The following KCNIP3 variants were observed in gnomAD, a reference collection of about 807,000 sequenced individuals.
KCNIP3 encodes potassium voltage-gated channel interacting protein 3, also known as calsenilin.
In KCNIP3, 28 loss-of-function variants were observed where a neutral mutation model predicts 35.0. The ratio of observed to expected loss-of-function variants is 0.80; its 90% confidence interval spans 0.59 to 1.10. KCNIP3 has a LOEUF of 1.10. KCNIP3 is among the 50% of genes least tolerant of loss of function. The pLI is 0.00. For missense variants in KCNIP3, 295 were observed against 338.4 expected (o/e 0.87, Z 1.01); for synonymous variants, 134 against 133.8 (o/e 1.00, Z -0.01).
intron 2 of KCNIP3, among the ~76,000 whole-genome samples, chr2:95,320,443 GT>G (rs1411233988): frequency 6.6e-6 from 1 of 152,068 alleles, no homozygotes; most frequent in Non-Finnish European, 1.5e-5. Context: ...GTGTGGGCGG[GT>G]CCCGGGTCTC....
intron 2 of KCNIP3, among the ~76,000 whole-genome samples, chr2:95,330,555 A>T (rs1343535430): frequency 6.6e-6 from 1 of 152,212 alleles, no homozygotes; most frequent in Non-Finnish European, 1.5e-5. Context: ...CGTACCCCCC[A>T]GGGCAGCTGC....
At chr2:95,310,816 A>G (rs1054254261) in intron 2 of KCNIP3, 74 of 436,930 alleles carry the variant, frequency 1.7e-4, no homozygotes, top group Non-Finnish European at 4.7e-5. Flanking sequence ...AGTCCAACAA[A>G]CCAGGCTCCA....
chr2:95,333,488 G>A (rs1212887286), intron 2 of KCNIP3, among the ~76,000 whole-genome samples: 2 of 152,298 alleles, frequency 1.3e-5, no homozygotes, highest in South Asian at 4.1e-4. Flanking sequence ...ACCAGGGCCC[G>A]CCCTCGGTCA....
At chr2:95,317,122 G>A (rs1678477020) in intron 2 of KCNIP3, among the ~76,000 whole-genome samples, 1 of 152,176 alleles carries the variant, frequency 6.6e-6, no homozygotes. Context: ...CCTAAGGCTA[G>A]GGCCCTACCT....
At chr2:95,375,898 G>A (rs1359706739) in intron 5 of KCNIP3, among the ~76,000 whole-genome samples, 1 of 152,218 alleles carries the variant, frequency 6.6e-6, no homozygotes, top group African/African-American at 2.4e-5. Flanking sequence ...CGGCTTGATC[G>A]ATACCCCGAC....
In KCNIP3 at chr2:95,299,826, C is replaced by T. The variant is rs536596859; in HGVS notation, c.15+2373C>T. ...GGAAGAAAGGGGCTCTGCCTCAGCC[C>T]TCCAGGTAGAGCCCAGGAGAAGGGC... On this transcript the variant is annotated intron_variant, in intron 1 of 8. Coordinates refer to ENST00000295225, the MANE Select transcript of KCNIP3 (RefSeq NM_013434.5). Among the ~76,000 whole-genome samples the T allele has an allele frequency of 2.9e-4, 44 of 152,370 alleles. 1 individual carries two copies. In the South Asian group the frequency reaches 8.7e-3, roughly 30 times the overall value.
chr2:95,381,555 A>G (rs768153098), intron 5 of KCNIP3, 41 bp from the exon 6 acceptor site: 98 of 1,421,934 alleles, frequency 6.9e-5, no homozygotes, highest in Non-Finnish European at 6.0e-6. Context: ...GAACCTGGGC[A>G]TTGATTGGAT....
At chr2:95,298,604 A>G (rs1408637445) in intron 1 of KCNIP3, 1 of 152,286 alleles carries the variant, frequency 6.6e-6, no homozygotes, top group Admixed American at 6.5e-5. Flanking sequence ...CAAGCATCCA[A>G]GCATGGGCGG....
rs755877004 is a variant in KCNIP3, at chr2:95,310,503, C to G, written c.164C>G (p.Thr55Arg). ...CCLVKWILSS[T>R]APQGSDSSDS... ...CTGGTCAAGTGGATCCTGTCCAGCA[C>G]AGCCCCACAGGGCTCAGGTAGGGGC... Residue 55 changes from threonine to arginine, a missense_variant, in exon 2 of 9, where the codon ACA (threonine) becomes AGA (arginine). Thr to Arg is a moderately conservative substitution (Grantham distance 71, BLOSUM62 -1). Transcript: ENST00000295225. 6.2e-7 allele frequency: 1 copy of G among 1,613,392 alleles called. No individual in the cohort carries two copies. The highest frequency in any genetic ancestry group is 1.1e-5 in the South Asian group (1 of 91,022).
At chr2:95,313,011 C>G (rs1021979514) in intron 2 of KCNIP3, 2 of 152,456 alleles carry the variant, frequency 1.3e-5, no homozygotes, top group African/African-American at 2.4e-5. Flanking sequence ...AGGCATCCCC[C>G]CTCTTTGGGA....
intron 2 of KCNIP3, among the ~76,000 whole-genome samples, chr2:95,342,664 A>C (rs1269186786): frequency 1.3e-5 from 2 of 152,154 alleles, no homozygotes; most frequent in Non-Finnish European, 2.9e-5. Context: ...CTCCGTTCTC[A>C]GGCCCGCTGT....
In KCNIP3 at chr2:95,323,785, T is replaced by C. The variant is rs1202708811; in HGVS notation, c.181+13265T>C. Among the ~76,000 whole-genome samples the C allele has an allele frequency of 2.6e-5, 4 of 152,132 alleles. No homozygotes were observed. In the East Asian group the frequency reaches 7.7e-4, roughly 29 times the overall value. On this transcript the variant is annotated intron_variant, in intron 2 of 8. Transcript: ENST00000295225. Reference sequence around the variant, plus strand: ...AACCTCTCCCTAGCAGCCCCTGCCCTGGTCCCTAGGGCCCCGCAGGCCTTG... The same window carrying C: ...AACCTCTCCCTAGCAGCCCCTGCCCCGGTCCCTAGGGCCCCGCAGGCCTTG...
In KCNIP3 at chr2:95,378,807, TACAC is replaced by T. The variant is rs993627429; in HGVS notation, c.448-2777_448-2774del. ...ACACACACACACACATATATATATA[TACAC>T]ACACACACACATATATACACACATA... On this transcript the variant is annotated intron_variant, in intron 5 of 8. Coordinates refer to ENST00000295225, the MANE Select transcript of KCNIP3 (RefSeq NM_013434.5). The surrounding 1 kb of genome is among the most constrained non-coding windows in gnomAD (Gnocchi z 4.0). Among the ~76,000 whole-genome samples, 11 of 149,976 alleles carry T rather than the reference TACAC, an allele frequency of 7.3e-5. No individual in the cohort carries two copies. The highest frequency in any genetic ancestry group is 3.9e-4 in the East Asian group (2 of 5,130).
chr2:95,335,384 C>T (rs1679036706), intron 2 of KCNIP3, among the ~76,000 whole-genome samples: 1 of 152,206 alleles, frequency 6.6e-6, no homozygotes, highest in African/African-American at 2.4e-5. Context: ...GTTCTTTGAG[C>T]AATAGCATTT....
chr2:95,297,482 CTGGAGGGGGGTCGGGGGGAGGAA>C, intron 1 of KCNIP3, 29 bp downstream of exon 1: 2 of 292,162 alleles, frequency 6.8e-6, no homozygotes, highest in Non-Finnish European at 1.1e-5. Flanking sequence ...GGGTCTTGCT[CTGGAGGGGGGTCGGGGGGAGGAA>C]TGGAGGCTTC....
At chr2:95,333,661 T>TG (rs1678988788) in intron 2 of KCNIP3, among the ~76,000 whole-genome samples, 1 of 152,196 alleles carries the variant, frequency 6.6e-6, no homozygotes, top group Non-Finnish European at 1.5e-5. Context: ...GATTCAATGA[T>TG]ACTATGTCAG....
intron 2 of KCNIP3, among the ~76,000 whole-genome samples, chr2:95,342,634 T>C (rs1295859108): frequency 6.6e-6 from 1 of 152,216 alleles, no homozygotes; most frequent in Non-Finnish European, 1.5e-5. Context: ...CATTTTTAGC[T>C]GTGTTTTCTC....
chr2:95,374,736 A>T, intron 3 of KCNIP3, 112 bp from the exon 4 acceptor site: 1 of 1,277,600 alleles, frequency 7.8e-7, no homozygotes, highest in Non-Finnish European at 1.1e-6. Context: ...CAGCAGTGCC[A>T]CAGGCAGCAG....
intron 2 of KCNIP3, chr2:95,313,493 G>T (rs1678374369): frequency 6.6e-6 from 1 of 152,284 alleles, no homozygotes; most frequent in Admixed American, 6.5e-5. Flanking sequence ...CAGCCTAGAA[G>T]CTCCTTGGAC....
Sources: allele counts gnomAD v4.1 joint callset (sites outside exome capture counted in the v4.1 genomes callset), GRCh38; gene constraint gnomAD v4.1.1; non-coding constraint Gnocchi (gnomAD v3.1); transcripts MANE v1.5; gene names NCBI Gene and HGNC (gene_info 2026-07-23, HGNC 2026-07-21).